IPO11: variants seen among roughly 807,000 people sequenced by gnomAD.
IPO11 encodes the protein importin 11.
A neutral mutation model predicts 143.2 loss-of-function variants in IPO11; 66 were observed. That is an observed-to-expected ratio of 0.46 (90% CI 0.38 to 0.57). The LOEUF (loss-of-function observed/expected upper bound fraction) is 0.57. Among genes scored for constraint, IPO11 ranks in the 20% least tolerant of loss-of-function variants. The probability of loss-of-function intolerance (pLI) is 0.00; values close to 1 mark genes in which losing one functional copy is unlikely to be tolerated. For missense variants in IPO11, 1,026 were observed against 1,141.0 expected, an observed-to-expected ratio of 0.90 and a Z score of 1.45; for synonymous variants, 385 against 377.8, an observed-to-expected ratio of 1.02 and a Z score of -0.22.
intron 27 of IPO11, among the ~76,000 whole-genome samples, chr5:62,564,736 C>T (rs923574972): frequency 6.6e-6 from 1 of 152,126 alleles, no homozygotes; most frequent in African/African-American, 2.4e-5. Context: ...TTAGATATCC[C>T]TGGGGACAAA....
At chr5:62,549,759 G>T (rs1009039730) in intron 24 of IPO11, among the ~76,000 whole-genome samples, 6 of 152,140 alleles carry the variant, frequency 3.9e-5, no homozygotes, top group African/African-American at 1.2e-4. Flanking sequence ...CATTTTTGTT[G>T]TAAAAGAAAC....
At position 62,572,545 on chromosome 5, in the gene IPO11, G is replaced by GTTTATTTATTTATTTATTTA. The variant is rs57028103; in HGVS notation, c.2582+11312_2582+11331dup. ...TCATTGTGTATATGTATATTTGTTT[G>GTTTATTTATTTATTTATTTA]TTTATTTATTTATTTATTTATTTAT... is the stretch of plus-strand genomic sequence containing the variant. On this transcript the variant is annotated intron_variant, in intron 27 of 29. Coordinates refer to ENST00000325324, the MANE Select transcript of IPO11 (RefSeq NM_016338.5). 3.5e-4 allele frequency among the ~76,000 whole-genome samples: 30 copies of GTTTATTTATTTATTTATTTA among 86,100 alleles called. 1 individual carries two copies. Among genetic ancestry groups the GTTTATTTATTTATTTATTTA allele is most frequent in the South Asian group, 2.9e-3 (6 of 2,102 alleles). The allele number at this position is 86,100 out of a possible 152,430, so 56.5% of individuals were successfully genotyped here.
chr5:62,415,855 C>T (rs559418462), intron 1 of IPO11, among the ~76,000 whole-genome samples: 5 of 152,312 alleles, frequency 3.3e-5, no homozygotes, highest in Admixed American at 2.0e-4. Context: ...GCTTTCTGTT[C>T]TGTTTCACCT....
intron 27 of IPO11, 33 bp downstream of exon 27, chr5:62,561,290 T>TCGGCCGGG: frequency 1.7e-6 from 2 of 1,200,014 alleles, no homozygotes; most frequent in Non-Finnish European, 1.2e-6. Flanking sequence ...TTTGTTTCTT[T>TCGGCCGGG]CAAGCATCAA....
At chr5:62,580,380 C>T (rs1395155151) in intron 27 of IPO11, 1 of 1,548,068 alleles carries the variant, frequency 6.5e-7, no homozygotes, top group East Asian at 2.4e-5. Flanking sequence ...GAATAATTAG[C>T]ATTGATAATG....
chr5:62,477,421 C>G (rs186546591), intron 9 of IPO11, among the ~76,000 whole-genome samples: 378 of 152,210 alleles, frequency 2.5e-3, no homozygotes, highest in Non-Finnish European at 4.1e-3. Context: ...GTTGCTTATT[C>G]CCTGGGAGGG....
At chr5:62,438,671 G>GA (rs1259533852) in intron 2 of IPO11, among the ~76,000 whole-genome samples, 1 of 151,944 alleles carries the variant, frequency 6.6e-6, no homozygotes, top group Admixed American at 6.6e-5. Context: ...AGAATCGCTT[G>GA]AACTCAGGAG....
In IPO11 at chr5:62,523,435, C is replaced by T. The variant is rs534885785; in HGVS notation, c.1897-2707C>T. ...TTGAAGGTCAGAGGAAGAAACGTTA[C>T]GATTTTTATTTTAGAAAAGTAGTCA... On this transcript the variant is annotated intron_variant, in intron 20 of 29. Coordinates refer to ENST00000325324, the MANE Select transcript of IPO11 (RefSeq NM_016338.5). 3.9e-5 allele frequency among the ~76,000 whole-genome samples: 6 copies of T among 152,182 alleles called. No individual in the cohort carries two copies. The East Asian group carries it at 7.7e-4, about 20-fold the overall frequency.
At chr5:62,430,249 C>T (rs114872742) in intron 1 of IPO11, among the ~76,000 whole-genome samples, 4,138 of 152,314 alleles carry the variant, frequency 0.027, 74 homozygotes, top group Non-Finnish European at 0.039. Context: ...TTTTAAGGAA[C>T]TGCCAGACTT....
At chr5:62,474,517 G>T in intron 8 of IPO11, 53 bp downstream of exon 8, 1 of 1,247,228 alleles carries the variant, frequency 8.0e-7, no homozygotes, top group Non-Finnish European at 1.1e-6. Flanking sequence ...TTCATTAGTA[G>T]CTTATTCATT....
chr5:62,511,414 C>T (rs1741744051), intron 19 of IPO11, among the ~76,000 whole-genome samples: 1 of 151,972 alleles, frequency 6.6e-6, no homozygotes, highest in African/African-American at 2.4e-5. Flanking sequence ...AGTACATGTT[C>T]CAGAAATAAT....
intron 29 of IPO11, among the ~76,000 whole-genome samples, chr5:62,604,158 A>C (rs951327625): frequency 6.6e-6 from 1 of 152,200 alleles, no homozygotes; most frequent in Non-Finnish European, 1.5e-5. Flanking sequence ...ATGCATGACT[A>C]TATATCTCGA....
chr5:62,478,614 A>G (rs545055624), intron 9 of IPO11, among the ~76,000 whole-genome samples: 12 of 152,286 alleles, frequency 7.9e-5, no homozygotes, highest in African/African-American at 2.6e-4. Context: ...TCAGGATTCA[A>G]CTTGCATCAG....
intron 24 of IPO11, among the ~76,000 whole-genome samples, chr5:62,542,424 GT>G (rs1742990774): frequency 6.6e-6 from 1 of 151,874 alleles, no homozygotes; most frequent in Non-Finnish European, 1.5e-5. Context: ...AATTTTTGGC[GT>G]TTTCCTGTTC....
chr5:62,594,398 A>G (rs538073722), intron 28 of IPO11, among the ~76,000 whole-genome samples: 1 of 152,276 alleles, frequency 6.6e-6, no homozygotes, highest in Admixed American at 6.5e-5. Context: ...TGTATTTCAC[A>G]AAGGTTACTT....
intron 29 of IPO11, among the ~76,000 whole-genome samples, chr5:62,612,390 C>T (rs1270324706): frequency 6.6e-6 from 1 of 152,090 alleles, no homozygotes; most frequent in Non-Finnish European, 1.5e-5. Context: ...GAAGAATATC[C>T]AAAATGGTCA....
Position 62,627,800 on chromosome 5 carries a change from A to T in IPO11, c.*482A>T, listed in dbSNP as rs1746638563. ...AAAGAAATGTGTGTACTAAGCAAAAATATATAAATAGTGACAAATACACAT... is the reference window on the plus strand; with the variant it reads ...AAAGAAATGTGTGTACTAAGCAAAATTATATAAATAGTGACAAATACACAT... On this transcript the variant is annotated 3_prime_UTR_variant, in exon 30 of 30. Coordinates refer to ENST00000325324, the MANE Select transcript of IPO11 (RefSeq NM_016338.5). The T allele has an allele frequency of 6.5e-6, 1 of 152,760 alleles. No homozygotes were observed. 9.5% of individuals were successfully genotyped at this position (152,760 alleles called of 1,614,324 possible).
chr5:62,476,632 T>C, intron 8 of IPO11, 51 bp from the exon 9 acceptor site: 2 of 1,466,266 alleles, frequency 1.4e-6, no homozygotes, highest in Non-Finnish European at 1.8e-6. Context: ...TTTGATGTTG[T>C]CTTGGTTGTG....
At chr5:62,600,719 G>A (rs1745476081) in intron 28 of IPO11, among the ~76,000 whole-genome samples, 1 of 152,166 alleles carries the variant, frequency 6.6e-6, no homozygotes, top group African/African-American at 2.4e-5. Context: ...TGCAGCCCCA[G>A]GTCAAGGCCA....
Sources: allele counts gnomAD v4.1 joint callset (sites outside exome capture counted in the v4.1 genomes callset), GRCh38; gene constraint gnomAD v4.1.1; transcripts MANE v1.5; gene names NCBI Gene and HGNC (gene_info 2026-07-23, HGNC 2026-07-21).